Variants in ADGRL3 observed in about 807,000 individuals in gnomAD.
ADGRL3 encodes the protein adhesion G protein-coupled receptor L3, also known as calcium-independent alpha-latrotoxin receptor 3.
Under a neutral mutation model 153.5 loss-of-function variants are expected in ADGRL3, and 62 were observed. The observed-to-expected ratio is 0.40, with a 90% CI of 0.33 to 0.50. The LOEUF (loss-of-function observed/expected upper bound fraction) is 0.50. Ranked by LOEUF, ADGRL3 falls within the 20% of genes least tolerant of loss-of-function variation. The probability of loss-of-function intolerance (pLI) is 0.47; values close to 1 mark genes in which losing one functional copy is unlikely to be tolerated. For synonymous variants in ADGRL3, 710 were observed against 672.5 expected, an observed-to-expected ratio of 1.06 and a Z score of -0.86; for missense variants, 1,641 against 1,859.4, an observed-to-expected ratio of 0.88 and a Z score of 2.16.
intron 6 of ADGRL3, among the ~76,000 whole-genome samples, chr4:61,696,578 T>G: frequency 6.6e-6 from 1 of 152,152 alleles, no homozygotes; most frequent in Admixed American, 6.5e-5. Flanking sequence ...CACAAAAATC[T>G]TATTTTTTAA....
rs146566816 is a variant in ADGRL3, at chr4:61,563,581, T to C, written c.260-23646T>C. On this transcript the variant is annotated intron_variant, in intron 4 of 26. Coordinates refer to ENST00000683033, the MANE Select transcript of ADGRL3 (RefSeq NM_001387552.1). ...CCAAGGGAAGGCTGTTTCATCTGCA[T>C]TGGAAATCTGTCGTTTAGTGTAGCC... 8.0e-3 allele frequency among the ~76,000 whole-genome samples: 1,213 copies of C among 152,340 alleles called. 6 individuals are homozygous for C. The highest frequency in any genetic ancestry group is 0.013 in the South Asian group (62 of 4,826).
intron 1 of ADGRL3, among the ~76,000 whole-genome samples, chr4:61,240,383 A>G (rs1412730765): frequency 1.3e-5 from 2 of 152,134 alleles, no homozygotes; most frequent in Non-Finnish European, 2.9e-5. Context: ...ACAAATACAT[A>G]CAACCCATAC....
chr4:61,930,191 A>G (rs913086371), intron 13 of ADGRL3, among the ~76,000 whole-genome samples: 2 of 151,874 alleles, frequency 1.3e-5, no homozygotes, highest in East Asian at 3.9e-4. Context: ...AAAAAAAAAA[A>G]AATGCCATGG....
At chr4:62,046,189 C>T (rs909706283) in intron 25 of ADGRL3, among the ~76,000 whole-genome samples, 17 of 151,618 alleles carry the variant, frequency 1.1e-4, no homozygotes, top group Admixed American at 4.6e-4. Context: ...TTAATGATCC[C>T]GGAAGCCATT....
intron 2 of ADGRL3, among the ~76,000 whole-genome samples, chr4:61,467,354 T>C (rs1399218682): frequency 1.3e-5 from 2 of 152,140 alleles, no homozygotes; most frequent in East Asian, 1.9e-4. Flanking sequence ...AATTTTATGG[T>C]ACTATAAATC....
At chr4:61,312,058 A>C (rs1056838002) in intron 1 of ADGRL3, among the ~76,000 whole-genome samples, 1 of 152,190 alleles carries the variant, frequency 6.6e-6, no homozygotes, top group Non-Finnish European at 1.5e-5. Context: ...GCTCTGAAAA[A>C]AATAAAACCT....
At chr4:61,577,407 CTGTTA>C (rs2098893898) in intron 4 of ADGRL3, among the ~76,000 whole-genome samples, 1 of 151,934 alleles carries the variant, frequency 6.6e-6, no homozygotes, top group African/African-American at 2.4e-5. Context: ...TAAGTTTCTT[CTGTTA>C]AAATCTGCAT....
intron 4 of ADGRL3, among the ~76,000 whole-genome samples, chr4:61,584,953 C>A (rs1454656350): frequency 6.6e-6 from 1 of 151,888 alleles, no homozygotes. Flanking sequence ...GAGTGATAAA[C>A]AAAGAGTTTT....
chr4:61,862,603 C>A (rs917245032), intron 9 of ADGRL3, among the ~76,000 whole-genome samples: 3 of 152,184 alleles, frequency 2.0e-5, no homozygotes, highest in Non-Finnish European at 2.9e-5. Flanking sequence ...CTCCTCTGCT[C>A]CAAGTCTCTG....
chr4:61,785,634 C>A (rs1258560995), intron 8 of ADGRL3, among the ~76,000 whole-genome samples: 6 of 152,126 alleles, frequency 3.9e-5, no homozygotes, highest in African/African-American at 1.4e-4. Context: ...TCTGAATAAA[C>A]CCATAGAATT....
chr4:61,204,646 T>C (rs1736295607), intron 1 of ADGRL3, among the ~76,000 whole-genome samples: 1 of 152,250 alleles, frequency 6.6e-6, no homozygotes, highest in Non-Finnish European at 1.5e-5. Context: ...TCACTAAGTA[T>C]TCAGTAACCT....
At chr4:61,983,263 G>GTTA (rs2099074705) in intron 18 of ADGRL3, 120 bp from the exon 19 acceptor site, 1 of 672,074 alleles carries the variant, frequency 1.5e-6, no homozygotes, top group Admixed American at 2.8e-5. Context: ...TCTTCCCTAG[G>GTTA]TTATTATTTT....
chr4:61,817,475 G>A (rs1490540235), intron 9 of ADGRL3, among the ~76,000 whole-genome samples: 1 of 152,092 alleles, frequency 6.6e-6, no homozygotes, highest in African/African-American at 2.4e-5. Flanking sequence ...CCTGCAGAAG[G>A]GAGCCACCCA....
intron 2 of ADGRL3, among the ~76,000 whole-genome samples, chr4:61,422,969 A>G (rs1309700513): frequency 6.6e-6 from 1 of 152,120 alleles, no homozygotes; most frequent in Non-Finnish European, 1.5e-5. Context: ...AAAGGTGAAA[A>G]TTCCTCATGA....
intron 1 of ADGRL3, among the ~76,000 whole-genome samples, chr4:61,218,486 A>T (rs1341464322): frequency 2.0e-5 from 3 of 150,778 alleles, no homozygotes; most frequent in Admixed American, 6.6e-5. Context: ...CTTTTTTTTT[A>T]TTTTTTATTT....
At chr4:61,777,984 C>T (rs902972747) in intron 8 of ADGRL3, among the ~76,000 whole-genome samples, 7 of 152,192 alleles carry the variant, frequency 4.6e-5, no homozygotes, top group African/African-American at 7.2e-5. Flanking sequence ...GCATCTCTAA[C>T]GTGAAAATTA....
intron 20 of ADGRL3, 149 bp downstream of exon 20, chr4:61,996,506 T>G (rs2099122176): frequency 1.7e-6 from 1 of 602,502 alleles, no homozygotes; most frequent in Non-Finnish European, 3.0e-6. Context: ...TAAACACTCA[T>G]TATAGTCTAC....
intron 2 of ADGRL3, among the ~76,000 whole-genome samples, chr4:61,457,189 A>C (rs1200159737): frequency 6.6e-6 from 1 of 152,050 alleles, no homozygotes; most frequent in East Asian, 1.9e-4. Flanking sequence ...CCCCAATTTA[A>C]TACTTTTTTA....
chr4:61,645,847 G>T (rs879774325), intron 5 of ADGRL3, among the ~76,000 whole-genome samples: 1 of 152,154 alleles, frequency 6.6e-6, no homozygotes, highest in African/African-American at 2.4e-5. Flanking sequence ...TGCTAGAATG[G>T]GGAAGTTCTC....
Sources: gnomAD v4.1 joint callset for allele counts (sites outside exome capture counted in the v4.1 genomes callset) on GRCh38, gnomAD v4.1.1 for gene constraint, MANE v1.5 for transcripts, NCBI Gene and HGNC (gene_info 2026-07-23, HGNC 2026-07-21) for gene names.